Variants in ZBTB20 observed in about 807,000 individuals in gnomAD.
The protein encoded by ZBTB20 is zinc finger and BTB domain-containing protein 20.
Under a neutral mutation model 56.9 loss-of-function variants are expected in ZBTB20, and 9 were observed. That is an observed-to-expected ratio of 0.16 (90% CI 0.10 to 0.28). ZBTB20 has a LOEUF of 0.28. ZBTB20 is among the 10% of genes least tolerant of loss of function. The probability of loss-of-function intolerance (pLI) is 1.00; values close to 1 mark genes in which losing one functional copy is unlikely to be tolerated. For synonymous variants in ZBTB20, 417 were observed against 420.7 expected (o/e 0.99, Z 0.11); for missense variants, 655 against 1,003.0 (o/e 0.65, Z 4.69).
At chr3:114,996,064 T>C (rs904598587) in intron 2 of ZBTB20, among the ~76,000 whole-genome samples, 2 of 151,824 alleles carry the variant, frequency 1.3e-5, no homozygotes, top group Non-Finnish European at 2.9e-5. Flanking sequence ...GCTACAATAA[T>C]AAAGTAAATA....
intron 2 of ZBTB20, among the ~76,000 whole-genome samples, chr3:114,995,692 T>C (rs975016230): frequency 6.6e-6 from 1 of 151,896 alleles, no homozygotes; most frequent in Non-Finnish European, 1.5e-5. Context: ...CATAGTATGA[T>C]AGAACATAAC....
At chr3:114,977,364 C>G (rs1212954487) in intron 2 of ZBTB20, among the ~76,000 whole-genome samples, 1 of 152,120 alleles carries the variant, frequency 6.6e-6, no homozygotes, top group African/African-American at 2.4e-5. Context: ...GACTGACAAA[C>G]TTAAAAAACA....
intron 6 of ZBTB20, chr3:114,658,593 C>T (rs1325004160): frequency 1.3e-5 from 2 of 152,116 alleles, no homozygotes; most frequent in African/African-American, 2.4e-5. Context: ...ATGTTAACAA[C>T]TTTCTTCCTC....
chr3:114,726,740 G>C (rs768925429), intron 5 of ZBTB20, among the ~76,000 whole-genome samples: 1 of 151,384 alleles, frequency 6.6e-6, no homozygotes, highest in Non-Finnish European at 1.5e-5. Flanking sequence ...GTGAAACCCC[G>C]TCTCTACTAA....
chr3:114,771,184 A>G (rs925797299), intron 5 of ZBTB20, among the ~76,000 whole-genome samples: 5 of 152,200 alleles, frequency 3.3e-5, no homozygotes, highest in African/African-American at 1.2e-4. Flanking sequence ...AGTGCAAATA[A>G]ATGACAAAAC....
intron 6 of ZBTB20, among the ~76,000 whole-genome samples, chr3:114,599,052 G>C (rs2056558167): frequency 1.3e-5 from 2 of 152,120 alleles, no homozygotes; most frequent in South Asian, 4.1e-4. Flanking sequence ...ACCGTTTTTA[G>C]TTGCCAGGAC....
At chr3:115,024,290 G>A (rs2080325318) in intron 2 of ZBTB20, among the ~76,000 whole-genome samples, 1 of 150,984 alleles carries the variant, frequency 6.6e-6, no homozygotes, top group African/African-American at 2.4e-5. Context: ...GCTATTGATA[G>A]ATGTATTAGG....
intron 1 of ZBTB20, among the ~76,000 whole-genome samples, chr3:115,078,613 G>GTGTA (rs769630983): frequency 0.048 from 6,565 of 137,602 alleles, 284 homozygotes; most frequent in African/African-American, 0.13. Context: ...GTGTGTGTGT[G>GTGTA]TATATATATA....
intron 4 of ZBTB20, among the ~76,000 whole-genome samples, chr3:114,863,954 C>T (rs375815721): frequency 6.6e-6 from 1 of 151,918 alleles, no homozygotes; most frequent in Non-Finnish European, 1.5e-5. Flanking sequence ...GAAACTGAAA[C>T]GTATCTTTTA....
At chr3:115,000,763 A>T (rs1437043193) in intron 2 of ZBTB20, among the ~76,000 whole-genome samples, 1 of 151,654 alleles carries the variant, frequency 6.6e-6, no homozygotes, top group Non-Finnish European at 1.5e-5. Flanking sequence ...ATATCTGGAT[A>T]AACTGGTCTC....
chr3:114,788,373 C>T (rs1560251690), intron 5 of ZBTB20, among the ~76,000 whole-genome samples: 2 of 152,168 alleles, frequency 1.3e-5, no homozygotes, highest in African/African-American at 2.4e-5. Context: ...CCCCTTCCTC[C>T]TAGCCCCTGG....
At chr3:114,583,702 G>A (rs76317819) in intron 6 of ZBTB20, among the ~76,000 whole-genome samples, 2,502 of 152,216 alleles carry the variant, frequency 0.016, 35 homozygotes, top group Middle Eastern at 0.065. Context: ...AATAAGAAAC[G>A]GCTTAGAAAG....
At chr3:114,921,574 G>A (rs2075960745) in intron 3 of ZBTB20, among the ~76,000 whole-genome samples, 1 of 151,978 alleles carries the variant, frequency 6.6e-6, no homozygotes, top group South Asian at 2.1e-4. Context: ...CTGGATAAGA[G>A]TGCTTTATGG....
At chr3:114,458,247 C>G (rs951074935) in intron 7 of ZBTB20, among the ~76,000 whole-genome samples, 1 of 152,044 alleles carries the variant, frequency 6.6e-6, no homozygotes. Flanking sequence ...AATTTTCCCC[C>G]GACTATGCCA....
chr3:114,744,636 A>G (rs2066889383), intron 5 of ZBTB20, among the ~76,000 whole-genome samples: 1 of 152,172 alleles, frequency 6.6e-6, no homozygotes, highest in African/African-American at 2.4e-5. Context: ...GTAAATAATA[A>G]TAAGAGGAAA....
At chr3:114,513,940 A>G (rs2109837795) in intron 6 of ZBTB20, among the ~76,000 whole-genome samples, 1 of 152,012 alleles carries the variant, frequency 6.6e-6, no homozygotes, top group South Asian at 2.1e-4. Context: ...AAGAATTTAG[A>G]GAAGACATAA....
At chr3:114,755,771 C>CT (rs2067967714) in intron 5 of ZBTB20, among the ~76,000 whole-genome samples, 2 of 152,168 alleles carry the variant, frequency 1.3e-5, no homozygotes, top group South Asian at 4.2e-4. Flanking sequence ...CCGACCTGAC[C>CT]TTTAGGTATC....
At chr3:114,910,703 CA>C (rs377390050) in intron 3 of ZBTB20, among the ~76,000 whole-genome samples, 7 of 151,200 alleles carry the variant, frequency 4.6e-5, no homozygotes, top group Admixed American at 3.3e-4. Context: ...AAATGATGCT[CA>C]AAAAAAATAA....
chr3:115,056,823 A>C (rs1010041104), intron 2 of ZBTB20, among the ~76,000 whole-genome samples: 1 of 152,086 alleles, frequency 6.6e-6, no homozygotes, highest in Non-Finnish European at 1.5e-5. Flanking sequence ...GTTTGGGCTT[A>C]ATATGAGAAA....
Sources: allele counts gnomAD v4.1 joint callset (sites outside exome capture counted in the v4.1 genomes callset), GRCh38; gene constraint gnomAD v4.1.1; transcripts MANE v1.5; gene names NCBI Gene and HGNC (gene_info 2026-07-23, HGNC 2026-07-21).